COL6A6: variants seen among roughly 807,000 people sequenced by gnomAD.
COL6A6 encodes collagen alpha-6(VI) chain.
In COL6A6, 183 loss-of-function variants were observed where a neutral mutation model predicts 208.6. The observed-to-expected ratio is 0.88, with a 90% CI of 0.78 to 0.99. The LOEUF is 0.99. COL6A6 is among the 50% of genes least tolerant of loss of function. The probability of loss-of-function intolerance (pLI) is 0.00; values close to 1 mark genes in which losing one functional copy is unlikely to be tolerated. For synonymous variants in COL6A6, 973 were observed against 1,011.8 expected, an observed-to-expected ratio of 0.96 and a Z score of 0.73; for missense variants, 2,816 against 2,815.2, an observed-to-expected ratio of 1.00 and a Z score of -0.01.
chr3:130,611,112 A>C (rs1226156278), intron 23 of COL6A6, among the ~76,000 whole-genome samples: 2 of 152,092 alleles, frequency 1.3e-5, no homozygotes, highest in African/African-American at 4.8e-5. Flanking sequence ...CTTCCCCAGG[A>C]CACTTAAATC....
At chr3:130,658,610 T>C (rs2065859457) in intron 33 of COL6A6, 66 bp from the exon 34 acceptor site, 1 of 1,004,506 alleles carries the variant, frequency 1.0e-6, no homozygotes, top group Non-Finnish European at 1.5e-6. Flanking sequence ...CAGTTCTCTA[T>C]GTAGTCCTAA....
At chr3:130,520,101 C>T (rs1710976231) in intron 1 of COL6A6, among the ~76,000 whole-genome samples, 1 of 152,152 alleles carries the variant, frequency 6.6e-6, no homozygotes, top group African/African-American at 2.4e-5. Flanking sequence ...ATATCTTAGG[C>T]TTTAGCATTT....
chr3:130,532,861 G>A (rs886506792), intron 1 of COL6A6, among the ~76,000 whole-genome samples: 1 of 152,108 alleles, frequency 6.6e-6, no homozygotes, highest in East Asian at 1.9e-4. Context: ...GGGAGGGCTG[G>A]ATCATCTGGG....
At chr3:130,634,673 G>T in intron 27 of COL6A6, 48 bp downstream of exon 27, 1 of 1,440,644 alleles carries the variant, frequency 6.9e-7, no homozygotes, top group East Asian at 2.3e-5. Flanking sequence ...AATACTCCTG[G>T]GGTTTATGAA....
chr3:130,604,451 C>A (rs900326592), intron 20 of COL6A6, among the ~76,000 whole-genome samples: 5 of 150,584 alleles, frequency 3.3e-5, no homozygotes, highest in Non-Finnish European at 5.9e-5. Flanking sequence ...GCCGAAATCG[C>A]GCCACTGCAC....
intron 1 of COL6A6, among the ~76,000 whole-genome samples, chr3:130,539,363 C>T (rs149671789): frequency 3.1e-4 from 47 of 152,312 alleles, no homozygotes; most frequent in African/African-American, 1.0e-3. Flanking sequence ...GGGCTGGGCG[C>T]GGTGGCTCAC....
intron 36 of COL6A6, among the ~76,000 whole-genome samples, chr3:130,672,870 G>A (rs1447808089): frequency 1.3e-5 from 2 of 151,528 alleles, no homozygotes; most frequent in Non-Finnish European, 2.9e-5. Context: ...TTAGCTGGGC[G>A]TGGTGGCACA....
chr3:130,561,934 G>A (rs947005603), intron 2 of COL6A6, among the ~76,000 whole-genome samples: 7 of 151,670 alleles, frequency 4.6e-5, no homozygotes, highest in South Asian at 4.2e-4. Context: ...TTACAGGCGT[G>A]AGCCACCGCG....
At chr3:130,627,926 C>G (rs907054017) in intron 26 of COL6A6, among the ~76,000 whole-genome samples, 13 of 152,120 alleles carry the variant, frequency 8.5e-5, no homozygotes, top group African/African-American at 2.4e-4. Flanking sequence ...TGAAAAAGAT[C>G]CCACCATAAT....
chr3:130,639,748 G>A (rs1408558399), intron 28 of COL6A6, among the ~76,000 whole-genome samples: 2 of 150,782 alleles, frequency 1.3e-5, no homozygotes, highest in Admixed American at 1.3e-4. Flanking sequence ...AGTGGGGCTT[G>A]TCAACTACCG....
At chr3:130,589,967 G>T (rs1276504930) in intron 12 of COL6A6, 34 of 443,104 alleles carry the variant, frequency 7.7e-5, no homozygotes, top group Non-Finnish European at 1.3e-4. Context: ...TTTCCTGAAT[G>T]TTTCAGCTTC....
At chr3:130,545,350 T>C (rs114901736) in intron 1 of COL6A6, among the ~76,000 whole-genome samples, 1,606 of 152,320 alleles carry the variant, frequency 0.011, 26 homozygotes, top group African/African-American at 0.037. Flanking sequence ...CTCAAAACTT[T>C]AAATATTTTA....
At chr3:130,656,151 C>T (rs2065783899) in intron 33 of COL6A6, among the ~76,000 whole-genome samples, 1 of 152,230 alleles carries the variant, frequency 6.6e-6, no homozygotes, top group Non-Finnish European at 1.5e-5. Flanking sequence ...TCTCTCCTCT[C>T]CTCTCTCCTC....
At position 130,566,811 on chromosome 3, in the gene COL6A6, G is replaced by C. The variant is rs1241210314; in HGVS notation, c.1392G>C (p.Gly464=). The C allele has an allele frequency of 2.5e-6, 4 of 1,613,884 alleles. No individual in the cohort carries two copies. Among genetic ancestry groups the C allele is most frequent in the Non-Finnish European group, 3.4e-6 (4 of 1,179,902 alleles). ...AGACGTTCCTGTCAGAGGTGGTAGG[G>C]ATGTTCAACATTGCTCCCCATAAGG... ...EMKTFLSEVV[G]MFNIAPHKVR... Residue 464 remains glycine, a synonymous_variant, in exon 5 of 37, where the codon GGG becomes GGC. Transcript: ENST00000358511.
At chr3:130,643,091 C>T (rs2065366768) in intron 31 of COL6A6, 68 bp downstream of exon 31, 36 of 1,514,432 alleles carry the variant, frequency 2.4e-5, no homozygotes, top group Non-Finnish European at 2.9e-5. Flanking sequence ...GAGAAACCTA[C>T]ACTCAGAATT....
intron 36 of COL6A6, among the ~76,000 whole-genome samples, chr3:130,672,623 C>T (rs1255494906): frequency 8.6e-5 from 13 of 151,724 alleles, no homozygotes; most frequent in African/African-American, 2.4e-4. Context: ...AGGCTGGTCT[C>T]GAACTCCTGA....
chr3:130,661,019 CAT>C (rs1316260403), intron 34 of COL6A6, among the ~76,000 whole-genome samples: 1 of 151,986 alleles, frequency 6.6e-6, no homozygotes, highest in Admixed American at 6.6e-5. Context: ...ATGAGATATG[CAT>C]ATTTATAAAA....
rs140980196 is a variant in COL6A6, at chr3:130,567,196, G to A, written c.1777G>A (p.Val593Met). The part of the protein sequence containing the change: ...IAGEEKRVYY[V>M]HDFDALKDIR... ...AGGAGAGGAAAAGAGAGTGTATTACGTGCATGACTTTGATGCATTGAAAGA... is the reference window on the plus strand; with the variant it reads ...AGGAGAGGAAAAGAGAGTGTATTACATGCATGACTTTGATGCATTGAAAGA... The change falls in exon 5 of 37, where the codon GTG (valine) becomes ATG (methionine). Residue 593 changes from valine (V) to methionine (M), a missense_variant. By Grantham distance (21) the Val-to-Met change is conservative. Coordinates refer to ENST00000358511, the MANE Select transcript of COL6A6 (RefSeq NM_001102608.3). 6.2e-4 allele frequency: 1,007 copies of A among 1,613,388 alleles called. 7 individuals are homozygous for A. In the African/African-American group the frequency reaches 0.012, roughly 19 times the overall value.
rs1289590673 is a variant in COL6A6, at chr3:130,676,421, C to T, written c.*1024C>T. 6.6e-6 allele frequency: 1 copy of T among 152,180 alleles called. No individual in the cohort carries two copies. Among genetic ancestry groups the T allele is most frequent in the African/African-American group, 2.4e-5 (1 of 41,448 alleles). The allele number at this position is 152,180 out of a possible 1,614,324, so 9.4% of individuals were successfully genotyped here. ...AAAGGTTTTATAAAAGTATTGATGGCTGTGTCCTCATCTGCATTTTTGTTT... is the reference window on the plus strand; with the variant it reads ...AAAGGTTTTATAAAAGTATTGATGGTTGTGTCCTCATCTGCATTTTTGTTT... On this transcript the variant is annotated 3_prime_UTR_variant, in exon 37 of 37. Transcript: ENST00000358511.
Sources: gnomAD v4.1 joint callset for allele counts (sites outside exome capture counted in the v4.1 genomes callset) on GRCh38, gnomAD v4.1.1 for gene constraint, MANE v1.5 for transcripts, NCBI Gene and HGNC (gene_info 2026-07-23, HGNC 2026-07-21) for gene names.